The following NUP50 variants were observed in gnomAD, a reference collection of about 807,000 sequenced individuals.
The protein encoded by NUP50 is nucleoporin 50.
NUP50 carries 14 observed loss-of-function variants against 36.8 expected under a neutral mutation model. The ratio of observed to expected loss-of-function variants is 0.38; its 90% confidence interval spans 0.25 to 0.59. The LOEUF (loss-of-function observed/expected upper bound fraction) is 0.59. Among genes scored for constraint, NUP50 ranks in the 20% least tolerant of loss-of-function variants. The probability of loss-of-function intolerance (pLI) is 0.63; values close to 1 mark genes in which losing one functional copy is unlikely to be tolerated. For synonymous variants in NUP50, 195 were observed against 210.8 expected (o/e 0.93, Z 0.65); for missense variants, 455 against 564.6 (o/e 0.81, Z 1.97).
rs150292977 is a variant in NUP50, at chr22:45,184,553, C to T, written c.1305C>T (p.Asp435=). Residue 435 remains aspartate (D), a synonymous_variant, in exon 8 of 8, where the codon GAC becomes GAT. Coordinates refer to ENST00000347635, the MANE Select transcript of NUP50 (RefSeq NM_007172.4). ...TCTGTGTTCCAAATCCACCAATTGA[C>T]GAGAAGAATGCCACCATGCCAGTCA... ...LIVCVPNPPI[D]EKNATMPVTM... is the part of the protein sequence containing the mutation. 1,487 of 1,612,192 alleles carry T rather than the reference C, an allele frequency of 9.2e-4. 8 individuals carry two copies. The African/African-American group carries it at 0.017, about 18-fold the overall frequency.
At chr22:45,167,333 G>A (rs952635365) in intron 1 of NUP50, among the ~76,000 whole-genome samples, 3 of 152,182 alleles carry the variant, frequency 2.0e-5, no homozygotes, top group Admixed American at 6.5e-5. Context: ...GGAGCTCTGG[G>A]TTGTGGGTTT....
chr22:45,173,031 C>T (rs2074221294), intron 3 of NUP50, among the ~76,000 whole-genome samples: 1 of 152,134 alleles, frequency 6.6e-6, no homozygotes, highest in Admixed American at 6.5e-5. Flanking sequence ...TCTTTCTCTG[C>T]TCCATTGCAT....
At chr22:45,165,161 C>G (rs1023593147) in intron 1 of NUP50, among the ~76,000 whole-genome samples, 1 of 152,214 alleles carries the variant, frequency 6.6e-6, no homozygotes, top group Non-Finnish European at 1.5e-5. Context: ...GACTTTCAGT[C>G]TCCCACCACG....
chr22:45,173,349 T>C (rs1392544423), intron 3 of NUP50, among the ~76,000 whole-genome samples: 2 of 151,982 alleles, frequency 1.3e-5, no homozygotes, highest in Non-Finnish European at 2.9e-5. Flanking sequence ...TTTTTTTTTT[T>C]TTTTTGTCTG....
intron 5 of NUP50, among the ~76,000 whole-genome samples, chr22:45,179,731 T>G (rs2074336071): frequency 6.6e-6 from 1 of 152,000 alleles, no homozygotes; most frequent in Non-Finnish European, 1.5e-5. Context: ...CAAAAATTTT[T>G]AAAAATTAGC....
intron 4 of NUP50, among the ~76,000 whole-genome samples, chr22:45,176,661 T>A (rs1480105412): frequency 1.3e-5 from 2 of 152,200 alleles, no homozygotes; most frequent in East Asian, 3.9e-4. Flanking sequence ...TAGCTGATTA[T>A]TCTGAGAGTA....
At chr22:45,181,767 C>A (rs935363724) in intron 6 of NUP50, among the ~76,000 whole-genome samples, 1 of 152,156 alleles carries the variant, frequency 6.6e-6, no homozygotes, top group Non-Finnish European at 1.5e-5. Flanking sequence ...CATCTCTCAT[C>A]CCTTCCTGGA....
rs1324358656 is a variant in NUP50, at chr22:45,187,192, T to C, written c.*2537T>C. On this transcript the variant is annotated 3_prime_UTR_variant, in exon 8 of 8. Coordinates refer to ENST00000347635, the MANE Select transcript of NUP50 (RefSeq NM_007172.4). Reference sequence around the variant, plus strand: ...TTTTTTTTTTTTTTTTTAAAACCTGTGTATCCATCTCATCCTTTTGCGCAT... The same window carrying C: ...TTTTTTTTTTTTTTTTTAAAACCTGCGTATCCATCTCATCCTTTTGCGCAT... The C allele has an allele frequency of 6.7e-6, 1 of 150,320 alleles. No homozygotes were observed. Among genetic ancestry groups the C allele is most frequent in the Non-Finnish European group, 1.5e-5 (1 of 67,714 alleles). The allele number at this position is 150,320 out of a possible 1,614,324, so 9.3% of individuals were successfully genotyped here.
At position 45,184,718 on chromosome 22, in the gene NUP50, TAGTC is replaced by T. The variant is rs373980842; in HGVS notation, c.*67_*70del. On this transcript the variant is annotated 3_prime_UTR_variant, in exon 8 of 8. Transcript: ENST00000347635. ...TGCTGCTTCCACCGCCCCTTAAAGT[TAGTC>T]AGTTTTTCTTCTCTTCTTTGACATT... The T allele has an allele frequency of 2.3e-4, 261 of 1,157,414 alleles. No homozygotes were observed. Among genetic ancestry groups the T allele is most frequent in the Non-Finnish European group, 2.8e-4 (222 of 790,050 alleles). 71.7% of individuals were successfully genotyped at this position (1,157,414 alleles called of 1,614,324 possible). A position where few individuals can be genotyped will look rare whatever the true frequency, so the allele number is the denominator to read the frequency against.
At position 45,187,113 on chromosome 22, in the gene NUP50, T is replaced by G. The variant is rs560047081; in HGVS notation, c.*2458T>G. ...CGTGGCCTAAAGCAAGGTGTGTATT[T>G]TGTTATTCTGAAATTGTTTTGCATC... On this transcript the variant is annotated 3_prime_UTR_variant, in exon 8 of 8. Transcript: ENST00000347635. The G allele has an allele frequency of 1.3e-5, 2 of 152,294 alleles. No individual in the cohort carries two copies. Among genetic ancestry groups the G allele is most frequent in the Non-Finnish European group, 2.9e-5 (2 of 68,024 alleles). 9.4% of individuals were successfully genotyped at this position (152,294 alleles called of 1,614,324 possible). A position where few individuals can be genotyped will look rare whatever the true frequency, so the allele number is the denominator to read the frequency against.
chr22:45,182,543 A>C (rs1436008827), intron 6 of NUP50, among the ~76,000 whole-genome samples: 2 of 151,860 alleles, frequency 1.3e-5, no homozygotes, highest in Non-Finnish European at 2.9e-5. Flanking sequence ...CTTTGTTATT[A>C]GTTAGACCCT....
At chr22:45,171,834 A>G (rs2074199901) in intron 3 of NUP50, 151 bp downstream of exon 3, 1 of 629,118 alleles carries the variant, frequency 1.6e-6, no homozygotes, top group Non-Finnish European at 2.8e-6. Flanking sequence ...AAAAAATAAG[A>G]AACGTCAGGT....
Position 45,186,161 on chromosome 22 carries a change from T to G in NUP50, c.*1506T>G, listed in dbSNP as rs2074467934. ...GGTTCTTGCTCTACTTCCAGTGTTT[T>G]GATTCCACTGGGAGAATTTGGCCTA... On this transcript the variant is annotated 3_prime_UTR_variant, in exon 8 of 8. Transcript: ENST00000347635. The G allele has an allele frequency of 6.6e-6, 1 of 152,248 alleles. No homozygotes were observed. The highest frequency in any genetic ancestry group is 1.9e-4 in the East Asian group (1 of 5,200). 9.4% of individuals were successfully genotyped at this position (152,248 alleles called of 1,614,324 possible).
In NUP50 at chr22:45,178,797, C is replaced by T. The variant is rs771722998; in HGVS notation, c.900C>T (p.Ser300=). The part of the protein sequence containing the change: ...LTGFSFSPGN[S]SLFGKDTTQS... The stretch of plus-strand genomic sequence containing the variant: ...GATTTTCTTTCTCCCCTGGAAACTC[C>T]AGTTTATTTGGCAAAGATACTACCC... Residue 300 remains serine (S), a synonymous_variant, in exon 5 of 8, where the codon TCC becomes TCT. Coordinates refer to ENST00000347635, the MANE Select transcript of NUP50 (RefSeq NM_007172.4). The T allele has an allele frequency of 1.2e-6, 2 of 1,613,986 alleles. No individual in the cohort carries two copies. Among genetic ancestry groups the T allele is most frequent in the Admixed American group, 1.7e-5 (1 of 60,014 alleles).
intron 4 of NUP50, among the ~76,000 whole-genome samples, chr22:45,176,496 A>T (rs1291378490): frequency 2.6e-5 from 4 of 152,160 alleles, no homozygotes; most frequent in Non-Finnish European, 5.9e-5. Flanking sequence ...CTCCGTGGCC[A>T]GGGTGCCTCC....
intron 7 of NUP50, 99 bp downstream of exon 7, chr22:45,183,619 G>A (rs1215857724): frequency 9.0e-6 from 7 of 781,400 alleles, no homozygotes; most frequent in Admixed American, 5.6e-5. Flanking sequence ...TTTAAACAGA[G>A]CGCATTCAGG....
intron 7 of NUP50, 80 bp downstream of exon 7, chr22:45,183,600 T>A: frequency 1.1e-6 from 1 of 923,944 alleles, no homozygotes; most frequent in Non-Finnish European, 1.8e-6. Flanking sequence ...TCAAGGTTAT[T>A]AATATGTTTT....
In NUP50 at chr22:45,187,082, CAT is replaced by C. The variant is rs1214455878; in HGVS notation, c.*2431_*2432del. ...TTGTTTGAGAATCTATGAAGTGTAT[CAT>C]ATACGTGGCCTAAAGCAAGGTGTGT... On this transcript the variant is annotated 3_prime_UTR_variant, in exon 8 of 8. Transcript: ENST00000347635. The C allele has an allele frequency of 1.3e-5, 2 of 151,466 alleles. No homozygotes were observed. Among genetic ancestry groups the C allele is most frequent in the African/African-American group, 2.4e-5 (1 of 41,226 alleles). 9.4% of individuals were successfully genotyped at this position (151,466 alleles called of 1,614,324 possible).
chr22:45,166,051 TG>T (rs777019233), intron 1 of NUP50: 2 of 152,186 alleles, frequency 1.3e-5, no homozygotes, highest in Non-Finnish European at 2.9e-5. Context: ...TGGGCACTGT[TG>T]GGGCATTTGG....
Sources: gnomAD v4.1 joint callset for allele counts (sites outside exome capture counted in the v4.1 genomes callset) on GRCh38, gnomAD v4.1.1 for gene constraint, MANE v1.5 for transcripts, NCBI Gene and HGNC (gene_info 2026-07-23, HGNC 2026-07-21) for gene names.